The following PRPF38B variants were observed in gnomAD, a reference collection of about 807,000 sequenced individuals.
PRPF38B encodes the protein pre-mRNA-splicing factor 38B.
A neutral mutation model predicts 67.2 loss-of-function variants in PRPF38B; 18 were observed. The observed-to-expected ratio is 0.27, with a 90% CI of 0.19 to 0.40. The LOEUF (loss-of-function observed/expected upper bound fraction) is 0.40. Ranked by LOEUF, PRPF38B falls within the 10% of genes least tolerant of loss-of-function variation. The pLI is 1.00. For synonymous variants in PRPF38B, 246 were observed against 234.2 expected (o/e 1.05, Z -0.46); for missense variants, 544 against 684.9 (o/e 0.79, Z 2.30).
rs952558207 is a variant in PRPF38B at position 108,692,705 on chromosome 1, G to A, written c.114G>A (p.Ala38=). ...GCGGCGGCGGCGCTACCAAGCCGGC[G>A]GTCTCCGGCAAGCAGGGCAATGTGC... ...QCGGGGATKP[A]VSGKQGNVLP... The change falls in exon 1 of 6, where the codon GCG becomes GCA. Residue 38 remains alanine (A), a synonymous_variant. Transcript: ENST00000370025. The A allele has an allele frequency of 2.5e-6, 4 of 1,613,482 alleles. No individual in the cohort carries two copies. The highest frequency in any genetic ancestry group is 3.4e-6 in the Non-Finnish European group (4 of 1,180,036).
Position 108,701,752 on chromosome 1 carries a change from A to G in PRPF38B, c.*1732A>G, listed in dbSNP as rs954818693. On this transcript the variant is annotated 3_prime_UTR_variant, in exon 6 of 6. Transcript: ENST00000370025. The stretch of plus-strand genomic sequence containing the variant: ...AGAGTCCTCCATATGTGGGCTTAAC[A>G]TATGTACCACTCCATTTTAGAAAAA... 2 of 152,246 alleles carry G rather than the reference A, an allele frequency of 1.3e-5. No homozygotes were observed. Among genetic ancestry groups the G allele is most frequent in the Non-Finnish European group, 2.9e-5 (2 of 68,044 alleles). 9.4% of individuals were successfully genotyped at this position (152,246 alleles called of 1,614,324 possible).
chr1:108,695,655 A>G (rs774232905), intron 1 of PRPF38B, 47 bp from the exon 2 acceptor site: 2 of 1,588,606 alleles, frequency 1.3e-6, no homozygotes, highest in South Asian at 2.2e-5. Context: ...GCTTTTAAAC[A>G]AATTCAAAGT....
rs1341505746 is a variant in PRPF38B, at chr1:108,700,466, A to G, written c.*446A>G. ...TAAAGACTTTGAGAATGGATCTTGG[A>G]TGTCTATTATAGGAGAAGTATGTGC... On this transcript the variant is annotated 3_prime_UTR_variant, in exon 6 of 6. Coordinates refer to ENST00000370025, the MANE Select transcript of PRPF38B (RefSeq NM_018061.4). 6.4e-6 allele frequency: 1 copy of G among 156,838 alleles called. No individual in the cohort carries two copies. Among genetic ancestry groups the G allele is most frequent in the Non-Finnish European group, 1.4e-5 (1 of 70,650 alleles). 9.7% of individuals were successfully genotyped at this position (156,838 alleles called of 1,614,324 possible). A position where few individuals can be genotyped will look rare whatever the true frequency, so the allele number is the denominator to read the frequency against.
chr1:108,696,018 T>G, intron 2 of PRPF38B, 25 bp from the exon 3 acceptor site: 1 of 1,604,332 alleles, frequency 6.2e-7, no homozygotes. Context: ...TTTTACTACT[T>G]TTTCTTAACT....
In PRPF38B at chr1:108,701,297, C is replaced by G. The variant is rs1660469197; in HGVS notation, c.*1277C>G. 6.6e-6 allele frequency: 1 copy of G among 152,514 alleles called. No individual in the cohort carries two copies. The highest frequency in any genetic ancestry group is 6.5e-5 in the Admixed American group (1 of 15,274). 9.4% of individuals were successfully genotyped at this position (152,514 alleles called of 1,614,324 possible). On this transcript the variant is annotated 3_prime_UTR_variant, in exon 6 of 6. Coordinates refer to ENST00000370025, the MANE Select transcript of PRPF38B (RefSeq NM_018061.4). ...CTTTGTGTACAGGGATGTCTTAGTGCCCAGATGACAAGTGAATTTTGGAGA... is the reference window on the plus strand; with the variant it reads ...CTTTGTGTACAGGGATGTCTTAGTGGCCAGATGACAAGTGAATTTTGGAGA...
At chr1:108,694,919 C>T (rs1659716577) in intron 1 of PRPF38B, among the ~76,000 whole-genome samples, 1 of 148,916 alleles carries the variant, frequency 6.7e-6, no homozygotes, top group Admixed American at 6.6e-5. Flanking sequence ...ACTGTATCAT[C>T]TTTGATGATA....
chr1:108,698,453 T>C lies in PRPF38B; in HGVS notation c.559-151T>C, dbSNP rs753561132. 161 of 627,684 alleles carry C rather than the reference T, an allele frequency of 2.6e-4. 1 individual carries two copies. Among genetic ancestry groups the C allele is most frequent in the Non-Finnish European group, 2.5e-4 (94 of 369,394 alleles). 38.9% of individuals were successfully genotyped at this position (627,684 alleles called of 1,614,324 possible). On this transcript the variant is annotated intron_variant, in intron 4 of 5. Transcript: ENST00000370025. ...CACACACTAAGCCCAAATATTTCTGTTCATTCATTGTCAGATCAGGATATG... is the reference window on the plus strand; with the variant it reads ...CACACACTAAGCCCAAATATTTCTGCTCATTCATTGTCAGATCAGGATATG...
Position 108,692,501 on chromosome 1 carries a change from G to C in PRPF38B, c.-91G>C, listed in dbSNP as rs1013535477. On this transcript the variant is annotated 5_prime_UTR_variant, in exon 1 of 6. Transcript: ENST00000370025. ...CCCCTTCTCCCGACGACGTTCGATGGAGTAGGGTCCCAGACCGTTGTCCCG... is the reference window on the plus strand; with the variant it reads ...CCCCTTCTCCCGACGACGTTCGATGCAGTAGGGTCCCAGACCGTTGTCCCG... 9.3e-6 allele frequency: 13 copies of C among 1,393,934 alleles called. No homozygotes were observed. The highest frequency in any genetic ancestry group is 1.0e-5 in the Non-Finnish European group (11 of 1,056,698). The allele number at this position is 1,393,934 out of a possible 1,614,324, so 86.3% of individuals were successfully genotyped here. A position where few individuals can be genotyped will look rare whatever the true frequency, so the allele number is the denominator to read the frequency against.
intron 4 of PRPF38B, chr1:108,696,980 C>T (rs1049722361): frequency 8.5e-5 from 46 of 541,680 alleles, no homozygotes; most frequent in African/African-American, 3.3e-4. Context: ...AGATTTAAAT[C>T]GTGTATGCAT....
Position 108,699,824 on chromosome 1 carries a change from T to C in PRPF38B, c.1445T>C (p.Val482Ala), listed in dbSNP as rs373016614. ...RSGSQGRTDS[V>A]EKSKKREHSP... is the part of the protein sequence containing the mutation. ...GGCAGTCAAGGAAGAACTGACAGTG[T>C]TGAAAAATCAAAAAAACGGGAACAT... The change falls in exon 6 of 6, where the codon GTT becomes GCT. Residue 482 changes from valine (V) to alanine (A), a missense_variant. By Grantham distance (64) the Val-to-Ala change is moderately conservative (BLOSUM62 0). Around this residue, in one of 5 missense-constraint regions of PRPF38B, gnomAD observed 387 missense variants for 386.1 expected, o/e 1.00. Coordinates refer to ENST00000370025, the MANE Select transcript of PRPF38B (RefSeq NM_018061.4). 1.3e-5 allele frequency: 21 copies of C among 1,612,674 alleles called. No homozygotes were observed. Among genetic ancestry groups the C allele is most frequent in the Middle Eastern group, 1.7e-4 (1 of 6,058 alleles).
In PRPF38B at chr1:108,696,261, T is replaced by G; in HGVS notation, c.498-16T>G. The G allele has an allele frequency of 6.2e-7, 1 of 1,611,730 alleles. No homozygotes were observed. Among genetic ancestry groups the G allele is most frequent in the Non-Finnish European group, 8.5e-7 (1 of 1,178,242 alleles). On this transcript the variant is annotated splice_polypyrimidine_tract_variant and intron_variant, in intron 3 of 5. Coordinates refer to ENST00000370025, the MANE Select transcript of PRPF38B (RefSeq NM_018061.4). The stretch of plus-strand genomic sequence containing the variant: ...TTAATTCACATGTGTTTAATAATAG[T>G]CTTTTGTAATTCTAGATATACACAG...
chr1:108,698,861 T>A, intron 5 of PRPF38B, 34 bp downstream of exon 5: 1 of 1,532,518 alleles, frequency 6.5e-7, no homozygotes, highest in Non-Finnish European at 9.0e-7. Flanking sequence ...TTATTTTTCA[T>A]ATATGCTTTA....
Position 108,692,478 on chromosome 1 carries a change from C to T in PRPF38B, c.-114C>T. ...CCAGCTGGGGCACAGCGAGGCGGCCCCTTCTCCCGACGACGTTCGATGGAG... is the reference window on the plus strand; with the variant it reads ...CCAGCTGGGGCACAGCGAGGCGGCCTCTTCTCCCGACGACGTTCGATGGAG... On this transcript the variant is annotated 5_prime_UTR_variant, in exon 1 of 6. Coordinates refer to ENST00000370025, the MANE Select transcript of PRPF38B (RefSeq NM_018061.4). The T allele has an allele frequency of 7.9e-7, 1 of 1,258,192 alleles. No homozygotes were observed. 77.9% of individuals were successfully genotyped at this position (1,258,192 alleles called of 1,614,324 possible). A position where few individuals can be genotyped will look rare whatever the true frequency, so the allele number is the denominator to read the frequency against.
rs756603016 is a variant in PRPF38B at position 108,692,564 on chromosome 1, TTCCC to T, written c.-20_-17del. ...GAGCTTGGCCCCCTCCCCCCCCTCC[TTCCC>T]TCCCTCCTTCCTTCCGCCGCAACAT... On this transcript the variant is annotated 5_prime_UTR_variant, in exon 1 of 6. Coordinates refer to ENST00000370025, the MANE Select transcript of PRPF38B (RefSeq NM_018061.4). 2 of 937,594 alleles carry T rather than the reference TTCCC, an allele frequency of 2.1e-6. No homozygotes were observed. Among genetic ancestry groups the T allele is most frequent in the Admixed American group, 2.4e-5 (1 of 41,346 alleles). The allele number at this position is 937,594 out of a possible 1,614,324, so 58.1% of individuals were successfully genotyped here. A position where few individuals can be genotyped will look rare whatever the true frequency, so the allele number is the denominator to read the frequency against.
Position 108,692,653 on chromosome 1 carries a change from C to G in PRPF38B, c.62C>G (p.Ala21Gly). 2 of 1,611,706 alleles carry G rather than the reference C, an allele frequency of 1.2e-6. No homozygotes were observed. The highest frequency in any genetic ancestry group is 1.7e-6 in the Non-Finnish European group (2 of 1,179,352). The change falls in exon 1 of 6, where the codon GCT (alanine) becomes GGT (glycine). Residue 21 changes from alanine (A) to glycine (G), a missense_variant. This residue lies in a region of PRPF38B where 70 missense variants were observed against 58.4 expected (regional missense o/e 1.20). Coordinates refer to ENST00000370025, the MANE Select transcript of PRPF38B (RefSeq NM_018061.4). ...CAGCCGCAGCACCAGGCGGCTGCAG[C>G]TGCGGCTCAGCAACAGCAGCAGTGC... is the stretch of plus-strand genomic sequence containing the variant. ...NSQPQHQAAA[A>G]AAQQQQQCGG... is the part of the protein sequence containing the mutation.
At position 108,700,022 on chromosome 1, in the gene PRPF38B, A is replaced by C. The variant is rs757175746; in HGVS notation, c.*2A>C. The C allele has an allele frequency of 2.5e-6, 4 of 1,572,866 alleles. No homozygotes were observed. In the African/African-American group the frequency reaches 5.5e-5, roughly 22 times the overall value. On this transcript the variant is annotated 3_prime_UTR_variant, in exon 6 of 6. Transcript: ENST00000370025. ...AAAAACAAAGATGAGACTGTGTGAAAATATTTTGTAAAAGTGGATCACATT... is the reference window on the plus strand; with the variant it reads ...AAAAACAAAGATGAGACTGTGTGAACATATTTTGTAAAAGTGGATCACATT...
Position 108,692,580 on chromosome 1 carries a change from T to G in PRPF38B, c.-12T>G. Reference sequence around the variant, plus strand: ...CCCCCCTCCTTCCCTCCCTCCTTCCTTCCGCCGCAACATGGCTAACAACAG... The same window carrying G: ...CCCCCCTCCTTCCCTCCCTCCTTCCGTCCGCCGCAACATGGCTAACAACAG... On this transcript the variant is annotated 5_prime_UTR_variant, in exon 1 of 6. Coordinates refer to ENST00000370025, the MANE Select transcript of PRPF38B (RefSeq NM_018061.4). The G allele has an allele frequency of 4.0e-6, 5 of 1,259,608 alleles. No individual in the cohort carries two copies. The highest frequency in any genetic ancestry group is 4.4e-5 in the East Asian group (1 of 22,716). 78.0% of individuals were successfully genotyped at this position (1,259,608 alleles called of 1,614,324 possible).
Position 108,693,294 on chromosome 1 carries a change from G to A in PRPF38B, c.276+427G>A, listed in dbSNP as rs562477550. On this transcript the variant is annotated intron_variant, in intron 1 of 5. Transcript: ENST00000370025. ...GTGTAATGACTTCAGTATTGGCCTC[G>A]TGTTGTTGGTACTCACTATCCGATC... Among the ~76,000 whole-genome samples the A allele has an allele frequency of 4.9e-3, 742 of 152,092 alleles. 9 individuals are homozygous for A. The highest frequency in any genetic ancestry group is 0.017 in the African/African-American group (702 of 41,496).
At chr1:108,698,979 A>C in intron 5 of PRPF38B, 152 bp downstream of exon 5, 2 of 1,364,056 alleles carry the variant, frequency 1.5e-6, no homozygotes, top group Non-Finnish European at 1.9e-6. Context: ...TCTTCCTTTC[A>C]GGGCTTTTTC....
Sources: allele counts gnomAD v4.1 joint callset (sites outside exome capture counted in the v4.1 genomes callset), GRCh38; gene constraint gnomAD v4.1.1; regional missense constraint gnomAD v4.1.1; transcripts MANE v1.5; gene names NCBI Gene and HGNC (gene_info 2026-07-23, HGNC 2026-07-21).